KIZ: variants seen among roughly 807,000 people sequenced by gnomAD.
The protein encoded by KIZ is kizuna centrosomal protein, also known as centrosomal protein kizuna.
KIZ carries 68 observed loss-of-function variants against 79.6 expected under a neutral mutation model. The ratio of observed to expected loss-of-function variants is 0.85; its 90% CI spans 0.70 to 1.05. The LOEUF is 1.05. Ranked by LOEUF, KIZ falls within the 50% of genes least tolerant of loss-of-function variation. The pLI, the probability that KIZ is intolerant of heterozygous loss-of-function variation, is 0.00. For synonymous variants in KIZ, 280 were observed against 281.8 expected, an observed-to-expected ratio of 0.99 and a Z score of 0.06; for missense variants, 797 against 800.4, an observed-to-expected ratio of 1.00 and a Z score of 0.05.
At chr20:21,214,803 C>G (rs1431820140) in intron 8 of KIZ, 103 bp downstream of exon 8, 16 of 667,024 alleles carry the variant, frequency 2.4e-5, no homozygotes, top group African/African-American at 3.6e-5. Context: ...GTGAATACCT[C>G]TGATTTTAAT....
chr20:21,232,673 C>A, intron 10 of KIZ, 61 bp from the exon 11 acceptor site: 1 of 831,476 alleles, frequency 1.2e-6, no homozygotes, highest in South Asian at 1.5e-5. Flanking sequence ...CCACTTTATT[C>A]ATTTTGTCCC....
chr20:21,210,762 CTT>C (rs11288900), intron 7 of KIZ, among the ~76,000 whole-genome samples: 47 of 146,048 alleles, frequency 3.2e-4, no homozygotes, highest in African/African-American at 4.7e-4. Context: ...ATACTATCAG[CTT>C]TTTTTTTTTT....
At chr20:21,156,788 T>G (rs903881868) in intron 4 of KIZ, among the ~76,000 whole-genome samples, 2 of 152,112 alleles carry the variant, frequency 1.3e-5, no homozygotes, top group Non-Finnish European at 2.9e-5. Flanking sequence ...CCTCAAATGG[T>G]TCAGAAAAAA....
At chr20:21,232,061 T>G (rs1490873413) in intron 10 of KIZ, among the ~76,000 whole-genome samples, 2 of 152,240 alleles carry the variant, frequency 1.3e-5, no homozygotes, top group East Asian at 1.9e-4. Flanking sequence ...ATGCTGTATC[T>G]GTGATTTTGA....
chr20:21,164,047 AC>A (rs2033818247), intron 6 of KIZ, among the ~76,000 whole-genome samples: 1 of 152,114 alleles, frequency 6.6e-6, no homozygotes, highest in Non-Finnish European at 1.5e-5. Flanking sequence ...GGGGCAGAAC[AC>A]CCCACAGCCT....
chr20:21,232,683 C>T, intron 10 of KIZ, 51 bp from the exon 11 acceptor site: 1 of 907,886 alleles, frequency 1.1e-6, no homozygotes, highest in Non-Finnish European at 1.8e-6. Flanking sequence ...CATTTTGTCC[C>T]ATGGCTGCAT....
chr20:21,144,569 T>C (rs1160770567), intron 3 of KIZ, among the ~76,000 whole-genome samples: 1 of 152,152 alleles, frequency 6.6e-6, no homozygotes, highest in East Asian at 1.9e-4. Flanking sequence ...CTGCCATCTA[T>C]CATATAGTAC....
At position 21,227,288 on chromosome 20, in the gene KIZ, G is replaced by A. The variant is rs182952431; in HGVS notation, c.1679-1723G>A. Among the ~76,000 whole-genome samples the A allele has an allele frequency of 1.8e-4, 27 of 152,222 alleles. No homozygotes were observed. The East Asian group carries it at 3.3e-3, about 19-fold the overall frequency. On this transcript the variant is annotated intron_variant, in intron 9 of 12. Coordinates refer to ENST00000619189, the MANE Select transcript of KIZ (RefSeq NM_018474.6). ...CTGGTTTCTGAGAAGCAGGAGAGCC[G>A]TCTCACTGGAGTCAAGTGATTTACC...
intron 4 of KIZ, among the ~76,000 whole-genome samples, chr20:21,150,293 G>A (rs539227067): frequency 9.1e-4 from 138 of 152,316 alleles, no homozygotes; most frequent in Admixed American, 1.6e-3. Context: ...CACCTGCTAA[G>A]GGAAATAACA....
chr20:21,129,184 A>G (rs1032577613), intron 1 of KIZ, among the ~76,000 whole-genome samples: 1 of 152,200 alleles, frequency 6.6e-6, no homozygotes, highest in Non-Finnish European at 1.5e-5. Context: ...ATGAGGGGCT[A>G]GAAAATAGGC....
intron 6 of KIZ, chr20:21,166,148 A>ATTTTTTTTTTTTTTTTTTTT: frequency 1.5e-6 from 1 of 668,252 alleles, no homozygotes; most frequent in Non-Finnish European, 2.4e-6. Flanking sequence ...TGTATTTTGT[A>ATTTTTTTTTTTTTTTTTTTT]TTTTTTTTTT....
chr20:21,243,262 T>G (rs1360841921), intron 11 of KIZ, among the ~76,000 whole-genome samples: 1 of 151,750 alleles, frequency 6.6e-6, no homozygotes, highest in African/African-American at 2.4e-5. Context: ...AAGGGAACAC[T>G]GAAAGGTAGC....
chr20:21,145,625 G>T lies in KIZ; in HGVS notation c.376G>T (p.Glu126Ter). The T allele has an allele frequency of 6.6e-7, 1 of 1,523,846 alleles. No individual in the cohort carries two copies. The highest frequency in any genetic ancestry group is 1.2e-5 in the South Asian group (1 of 81,702). The allele number at this position is 1,523,846 out of a possible 1,614,324, so 94.4% of individuals were successfully genotyped here. The change falls in exon 4 of 13, where the codon GAG becomes TAG. Residue 126 changes from glutamate (E) to a stop codon, truncating the protein, a stop_gained. Transcript: ENST00000619189. LOFTEE classifies it high-confidence loss of function. ...LCSKDSLGLK[E>*]ELTDEDREKV... Reference sequence around the variant, plus strand: ...CTCAAAAGATAGCCTGGGACTAAAAGAGGAACTGACAGATGAAGACAGAGA... The same window carrying T: ...CTCAAAAGATAGCCTGGGACTAAAATAGGAACTGACAGATGAAGACAGAGA...
At chr20:21,189,012 TTG>T in intron 6 of KIZ, among the ~76,000 whole-genome samples, 1 of 151,970 alleles carries the variant, frequency 6.6e-6, no homozygotes, top group Admixed American at 6.6e-5. Context: ...CCAGCCTGTT[TTG>T]TATTTTATTT....
At chr20:21,198,416 T>C (rs2035450371) in intron 6 of KIZ, 1 of 152,228 alleles carries the variant, frequency 6.6e-6, no homozygotes, top group Admixed American at 6.5e-5. Flanking sequence ...AATAGATTAT[T>C]ACTCAGGAGT....
At chr20:21,136,293 A>G (rs2122370236) in intron 2 of KIZ, 97 bp from the exon 3 acceptor site, 1 of 728,288 alleles carries the variant, frequency 1.4e-6, no homozygotes, top group Middle Eastern at 4.0e-4. Context: ...ATACCTTAGA[A>G]TACATTGTCT....
chr20:21,186,829 C>G (rs1390969093), intron 6 of KIZ, among the ~76,000 whole-genome samples: 4 of 152,026 alleles, frequency 2.6e-5, no homozygotes, highest in Non-Finnish European at 5.9e-5. Flanking sequence ...CACACTTAAT[C>G]CATTTATCCA....
chr20:21,161,119 A>T (rs2033632475), intron 4 of KIZ, among the ~76,000 whole-genome samples: 1 of 152,202 alleles, frequency 6.6e-6, no homozygotes, highest in South Asian at 2.1e-4. Context: ...TTTATTGGCC[A>T]TTCATATATC....
intron 8 of KIZ, 40 bp from the exon 9 acceptor site, chr20:21,215,543 C>T: frequency 7.9e-7 from 1 of 1,257,980 alleles, no homozygotes; most frequent in South Asian, 1.3e-5. Flanking sequence ...TATTCCTTAA[C>T]TTTGAAATAC....
Sources: gnomAD v4.1 joint callset for allele counts (sites outside exome capture counted in the v4.1 genomes callset) on GRCh38, gnomAD v4.1.1 for gene constraint, MANE v1.5 for transcripts, NCBI Gene and HGNC (gene_info 2026-07-23, HGNC 2026-07-21) for gene names.